The following CCDC126 variants were observed in gnomAD, a reference collection of about 807,000 sequenced individuals.
CCDC126 encodes coiled-coil domain-containing protein 126.
A neutral mutation model predicts 11.7 loss-of-function variants in CCDC126; 5 were observed. That is an observed-to-expected ratio of 0.43 (90% CI 0.22 to 0.90). CCDC126 has a LOEUF of 0.90. Among genes scored for constraint, CCDC126 ranks in the 40% least tolerant of loss-of-function variants. CCDC126 has a pLI of 0.27. For missense variants in CCDC126, 150 were observed against 163.1 expected, an observed-to-expected ratio of 0.92 and a Z score of 0.44; for synonymous variants, 60 against 61.9, an observed-to-expected ratio of 0.97 and a Z score of 0.14.
At position 23,638,729 on chromosome 7, in the gene CCDC126, A is replaced by T. The variant is rs912251100; in HGVS notation, c.239-4202A>T. On this transcript the variant is annotated intron_variant, in intron 3 of 3. Coordinates refer to ENST00000307471, the MANE Select transcript of CCDC126 (RefSeq NM_138771.4). ...ATGATCAATAAAAAAAAAAAAATTA[A>T]AAAAAAAAAAAAAAAAACCAAAAAG... 7.4e-4 allele frequency among the ~76,000 whole-genome samples: 27 copies of T among 36,456 alleles called. No homozygotes were observed. The East Asian group carries it at 0.013, about 18-fold the overall frequency. The allele number at this position is 36,456 out of a possible 152,430, so 23.9% of individuals were successfully genotyped here.
At chr7:23,603,082 C>G (rs1048309699) in intron 2 of CCDC126, among the ~76,000 whole-genome samples, 1 of 152,190 alleles carries the variant, frequency 6.6e-6, no homozygotes, top group Non-Finnish European at 1.5e-5. Context: ...GCCCCCCACC[C>G]TCCACCTCCA....
chr7:23,601,055 TAAA>T (rs578161504), intron 2 of CCDC126, among the ~76,000 whole-genome samples: 1 of 134,022 alleles, frequency 7.5e-6, no homozygotes, highest in Non-Finnish European at 1.6e-5. Flanking sequence ...TATCAATAAT[TAAA>T]AAAAAAAAAA....
At chr7:23,601,555 A>T (rs1361670233) in intron 2 of CCDC126, among the ~76,000 whole-genome samples, 2 of 152,338 alleles carry the variant, frequency 1.3e-5, no homozygotes, top group Admixed American at 1.3e-4. Context: ...TGCTTTTGAA[A>T]AACAGTGGAG....
intron 3 of CCDC126, among the ~76,000 whole-genome samples, chr7:23,613,800 A>G (rs1159920553): frequency 1.3e-5 from 2 of 152,232 alleles, no homozygotes; most frequent in Non-Finnish European, 2.9e-5. Flanking sequence ...CACAATAAGC[A>G]AGTCACACAG....
chr7:23,640,991 G>GATTTTTTTTT lies in CCDC126; in HGVS notation c.239-1940_239-1939insATTTTTTTTT, dbSNP rs754297249. 8.1e-5 allele frequency among the ~76,000 whole-genome samples: 9 copies of GATTTTTTTTT among 110,976 alleles called. 2 individuals carry two copies. Among genetic ancestry groups the GATTTTTTTTT allele is most frequent in the African/African-American group, 1.5e-4 (4 of 26,658 alleles). 72.8% of individuals were successfully genotyped at this position (110,976 alleles called of 152,430 possible). On this transcript the variant is annotated intron_variant, in intron 3 of 3. Coordinates refer to ENST00000307471, the MANE Select transcript of CCDC126 (RefSeq NM_138771.4). ...ATCCCTCTGAGCTCTGAATCCTTTTGGTTTTTTTTTTTTTTTTTTTTTTTG... is the reference window on the plus strand; with the variant it reads ...ATCCCTCTGAGCTCTGAATCCTTTTGATTTTTTTTTGTTTTTTTTTTTTTTTTTTTTTTTG...
At chr7:23,622,154 T>C (rs1158768980) in intron 3 of CCDC126, among the ~76,000 whole-genome samples, 6 of 152,206 alleles carry the variant, frequency 3.9e-5, no homozygotes, top group African/African-American at 1.4e-4. Flanking sequence ...TCAGAAGGAA[T>C]GGTACCAGCT....
chr7:23,644,103 TTAACA>T lies in CCDC126; in HGVS notation c.*990_*994del, dbSNP rs753748972. ...GCTGCATTAAATTGCTTGGAAAATG[TTAACA>T]TTATATTATATAAGAGTATCCTTTA... On this transcript the variant is annotated 3_prime_UTR_variant, in exon 4 of 4. Transcript: ENST00000307471. 21 of 152,080 alleles carry T rather than the reference TTAACA, an allele frequency of 1.4e-4. No homozygotes were observed. The highest frequency in any genetic ancestry group is 4.8e-5 in the African/African-American group (2 of 41,422). The allele number at this position is 152,080 out of a possible 1,614,324, so 9.4% of individuals were successfully genotyped here.
In CCDC126 at chr7:23,642,756, C is replaced by A. The variant is rs1286823855; in HGVS notation, c.239-175C>A. On this transcript the variant is annotated intron_variant, in intron 3 of 3. Transcript: ENST00000307471. ...CCAGCCTGGGAGACAGAGGGAAACT[C>A]CATCTCAAAAAAAAAAAAAAATTAG... 1.3e-5 allele frequency among the ~76,000 whole-genome samples: 2 copies of A among 150,742 alleles called. 1 individual carries two copies. The highest frequency in any genetic ancestry group is 4.2e-4 in the South Asian group (2 of 4,784).
intron 3 of CCDC126, among the ~76,000 whole-genome samples, chr7:23,640,242 A>G (rs1039425798): frequency 3.3e-5 from 5 of 151,738 alleles, no homozygotes; most frequent in Admixed American, 1.3e-4. Flanking sequence ...TTATGTCTGT[A>G]ATCCCAGCAC....
rs1464507416 is a variant in CCDC126, at chr7:23,643,552, G to C, written c.*437G>C. The C allele has an allele frequency of 6.5e-6, 1 of 154,062 alleles. No homozygotes were observed. The highest frequency in any genetic ancestry group is 6.5e-5 in the Admixed American group (1 of 15,334). 9.5% of individuals were successfully genotyped at this position (154,062 alleles called of 1,614,324 possible). ...TCAATAGATGTAACTGTTAGACTAC[G>C]GCTATTTGAAAAAATGTGCTTATTG... On this transcript the variant is annotated 3_prime_UTR_variant, in exon 4 of 4. Coordinates refer to ENST00000307471, the MANE Select transcript of CCDC126 (RefSeq NM_138771.4).
intron 3 of CCDC126, among the ~76,000 whole-genome samples, chr7:23,623,221 C>T (rs893491165): frequency 6.6e-6 from 1 of 151,726 alleles, no homozygotes; most frequent in African/African-American, 2.4e-5. Context: ...CTCAGCCTCC[C>T]AAGGTGCTGG....
rs1490767610 is a variant in CCDC126 at position 23,641,912 on chromosome 7, C to T, written c.239-1019C>T. 2.0e-5 allele frequency among the ~76,000 whole-genome samples: 3 copies of T among 152,200 alleles called. No individual in the cohort carries two copies. The South Asian group carries it at 6.2e-4, about 31-fold the overall frequency. Reference sequence around the variant, plus strand: ...CCTGGCATTTGCACTGGACCCTAGGCTCCCCCACAACTCCACCCCTGTGGA... The same window carrying T: ...CCTGGCATTTGCACTGGACCCTAGGTTCCCCCACAACTCCACCCCTGTGGA... On this transcript the variant is annotated intron_variant, in intron 3 of 3. Transcript: ENST00000307471.
At chr7:23,612,438 G>GAATTCT (rs1288831604) in intron 3 of CCDC126, among the ~76,000 whole-genome samples, 11 of 112,854 alleles carry the variant, frequency 9.7e-5, no homozygotes, top group Admixed American at 1.3e-4. Flanking sequence ...TTGTGCCACT[G>GAATTCT]AATTCTAGCT....
At chr7:23,641,523 A>C (rs75254715) in intron 3 of CCDC126, among the ~76,000 whole-genome samples, 2,767 of 152,278 alleles carry the variant, frequency 0.018, 100 homozygotes, top group African/African-American at 0.063. Flanking sequence ...AGTCCAGTTT[A>C]TCTATTTTCT....
chr7:23,644,275 A>C lies in CCDC126; in HGVS notation c.*1160A>C, dbSNP rs917286548. ...GCTGTATATAGCACAGGGAACCCTA[A>C]TCTTGGGTAATTCTAGTATAAAACA... is the stretch of plus-strand genomic sequence containing the variant. On this transcript the variant is annotated 3_prime_UTR_variant, in exon 4 of 4. Transcript: ENST00000307471. 6.6e-6 allele frequency: 1 copy of C among 152,524 alleles called. No homozygotes were observed. The highest frequency in any genetic ancestry group is 2.4e-5 in the African/African-American group (1 of 41,456). 9.4% of individuals were successfully genotyped at this position (152,524 alleles called of 1,614,324 possible).
intron 3 of CCDC126, among the ~76,000 whole-genome samples, chr7:23,633,306 TAAG>T (rs1783147805): frequency 6.6e-6 from 1 of 152,150 alleles, no homozygotes; most frequent in Non-Finnish European, 1.5e-5. Context: ...CTTGCAATCT[TAAG>T]AAGAGAAGTA....
At chr7:23,629,189 T>G (rs151121311) in intron 3 of CCDC126, among the ~76,000 whole-genome samples, 3 of 152,292 alleles carry the variant, frequency 2.0e-5, no homozygotes, top group South Asian at 2.1e-4. Context: ...GAAACCTAAT[T>G]TGGTAGTATT....
chr7:23,637,678 A>G (rs752162234), intron 3 of CCDC126, among the ~76,000 whole-genome samples: 2,174 of 2,728 alleles, frequency 0.8, 982 homozygotes, highest in Middle Eastern at 1. Flanking sequence ...CCCCCGCCCG[A>G]CCAGCCGCCC....
At chr7:23,627,832 A>G (rs1241747907) in intron 3 of CCDC126, among the ~76,000 whole-genome samples, 1 of 152,056 alleles carries the variant, frequency 6.6e-6, no homozygotes, top group Non-Finnish European at 1.5e-5. Context: ...GGGCTCAAGC[A>G]GTCCTGTTTC....
Sources: gnomAD v4.1 joint callset for allele counts (sites outside exome capture counted in the v4.1 genomes callset) on GRCh38, gnomAD v4.1.1 for gene constraint, MANE v1.5 for transcripts, NCBI Gene and HGNC (gene_info 2026-07-23, HGNC 2026-07-21) for gene names.